The following TNKS variants were observed in gnomAD, a reference collection of about 807,000 sequenced individuals.
The protein encoded by TNKS is poly [ADP-ribose] polymerase tankyrase-1.
Under a neutral mutation model 135.8 loss-of-function variants are expected in TNKS, and 72 were observed. The observed-to-expected ratio is 0.53, with a 90% CI of 0.44 to 0.64. The LOEUF (loss-of-function observed/expected upper bound fraction) is 0.64, where lower values mean the gene tolerates loss of function less well. TNKS is among the 30% of genes least tolerant of loss of function. The pLI is 0.00. For missense variants in TNKS, 1,769 were observed against 1,674.0 expected (o/e 1.06, Z -0.99); for synonymous variants, 849 against 649.3 (o/e 1.31, Z -4.68).
intron 3 of TNKS, among the ~76,000 whole-genome samples, chr8:9,620,706 A>C (rs181986842): frequency 8.1e-4 from 124 of 152,268 alleles, no homozygotes; most frequent in African/African-American, 2.8e-3. Flanking sequence ...TAAGCTATTT[A>C]CTGAAACTGG....
At chr8:9,660,023 C>A (rs2128786829) in intron 3 of TNKS, among the ~76,000 whole-genome samples, 1 of 152,270 alleles carries the variant, frequency 6.6e-6, no homozygotes, top group East Asian at 1.9e-4. Context: ...TACACCCTCC[C>A]AAGACTGAAC....
intron 1 of TNKS, chr8:9,575,053 G>T (rs146549380): frequency 1.0e-6 from 1 of 985,344 alleles, no homozygotes; most frequent in East Asian, 1.1e-4. Context: ...CCTTTGTCTT[G>T]ACAAATTGTG....
intron 23 of TNKS, 135 bp downstream of exon 23, chr8:9,764,925 T>C (rs1807343988): frequency 3.5e-6 from 2 of 579,692 alleles, no homozygotes; most frequent in African/African-American, 3.9e-5. Context: ...TGAAGTCAGA[T>C]AGCACTCTTC....
At position 9,640,932 on chromosome 8, in the gene TNKS, A is replaced by G. The variant is rs1800702437; in HGVS notation, c.994+25255A>G. Among the ~76,000 whole-genome samples, 2 of 145,826 alleles carry G rather than the reference A, an allele frequency of 1.4e-5. 1 individual carries two copies. Among genetic ancestry groups the G allele is most frequent in the Admixed American group, 1.5e-4 (2 of 13,766 alleles). On this transcript the variant is annotated intron_variant, in intron 3 of 26. Transcript: ENST00000310430. ...CAGCTACTTTTTTGCCCAGTCATAC[A>G]TTGCCCCTCATTTTCTAATAGCATC...
chr8:9,561,271 T>G (rs1797322262), intron 1 of TNKS, among the ~76,000 whole-genome samples: 1 of 152,202 alleles, frequency 6.6e-6, no homozygotes, highest in Admixed American at 6.5e-5. Flanking sequence ...TATGTGTACA[T>G]TCACTGAGTT....
At chr8:9,631,441 T>C (rs1019920788) in intron 3 of TNKS, among the ~76,000 whole-genome samples, 5 of 152,238 alleles carry the variant, frequency 3.3e-5, no homozygotes, top group Non-Finnish European at 5.9e-5. Context: ...AAAGAAGCCA[T>C]TGGTAATTAT....
intron 3 of TNKS, among the ~76,000 whole-genome samples, chr8:9,674,434 A>G (rs1474762678): frequency 6.6e-6 from 1 of 152,182 alleles, no homozygotes; most frequent in African/African-American, 2.4e-5. Flanking sequence ...TGGTAGTGAT[A>G]ATTTTAAGAG....
chr8:9,602,610 G>A (rs984333861), intron 2 of TNKS, among the ~76,000 whole-genome samples: 3 of 152,276 alleles, frequency 2.0e-5, no homozygotes, highest in East Asian at 1.9e-4. Flanking sequence ...ACACCTACAC[G>A]CCCAGCAAAG....
In TNKS at chr8:9,766,336, C is replaced by G; in HGVS notation, c.3651C>G (p.Asn1217Lys). 2 of 1,613,922 alleles carry G rather than the reference C, an allele frequency of 1.2e-6. No individual in the cohort carries two copies. The highest frequency in any genetic ancestry group is 1.7e-6 in the Non-Finnish European group (2 of 1,179,948). The change falls in exon 25 of 27, where the codon AAC becomes AAG. Residue 1217 changes from asparagine (N) to lysine (K), a missense_variant. Physicochemically the swap from Asn to Lys is moderately conservative, Grantham distance 94. Around this residue, in one of 5 missense-constraint regions of TNKS, gnomAD observed 722 missense variants for 688.9 expected, o/e 1.05. Transcript: ENST00000310430. The stretch of plus-strand genomic sequence containing the variant: ...GGGCCGGGATTTATTTTGCTGAAAA[C>G]TCCTCAAAAAGCAACCAATATGTTT... ...MFGAGIYFAE[N>K]SSKSNQYVYG...
intron 11 of TNKS, among the ~76,000 whole-genome samples, chr8:9,718,129 A>G (rs529896174): frequency 6.6e-6 from 1 of 152,158 alleles, no homozygotes; most frequent in Non-Finnish European, 1.5e-5. Flanking sequence ...TGGAGAACCT[A>G]TCATTTGTTC....
rs1807520361 is a variant in TNKS at position 9,767,411 on chromosome 8, T to C, written c.3740+986T>C. ...TTTCTGTGTAAACTTACTTACCAAATGCATTCTTTTTAACAAGCCAGGTTA... is the reference window on the plus strand; with the variant it reads ...TTTCTGTGTAAACTTACTTACCAAACGCATTCTTTTTAACAAGCCAGGTTA... On this transcript the variant is annotated intron_variant, in intron 25 of 26. Coordinates refer to ENST00000310430, the MANE Select transcript of TNKS (RefSeq NM_003747.3). Among the ~76,000 whole-genome samples the C allele has an allele frequency of 3.3e-5, 5 of 152,218 alleles. No homozygotes were observed. In the South Asian group the frequency reaches 1.0e-3, roughly 31 times the overall value.
chr8:9,685,843 T>A (rs1437642147), intron 5 of TNKS, among the ~76,000 whole-genome samples: 1 of 152,196 alleles, frequency 6.6e-6, no homozygotes, highest in Admixed American at 6.5e-5. Flanking sequence ...CCCCATCCAG[T>A]GAAGAACAAG....
chr8:9,763,260 A>T lies in TNKS; in HGVS notation c.3372+16A>T. On this transcript the variant is annotated intron_variant, in intron 22 of 26. Coordinates refer to ENST00000310430, the MANE Select transcript of TNKS (RefSeq NM_003747.3). Reference sequence around the variant, plus strand: ...GGAAGAAGAGGTAATATACATCAGAAATCTTTCATTTGCTTTTCTTGAAAT... The same window carrying T: ...GGAAGAAGAGGTAATATACATCAGATATCTTTCATTTGCTTTTCTTGAAAT... 6.6e-7 allele frequency: 1 copy of T among 1,508,264 alleles called. No homozygotes were observed. Among genetic ancestry groups the T allele is most frequent in the Non-Finnish European group, 9.1e-7 (1 of 1,101,230 alleles). The allele number at this position is 1,508,264 out of a possible 1,614,324, so 93.4% of individuals were successfully genotyped here.
At chr8:9,594,342 G>T (rs1179225553) in intron 2 of TNKS, among the ~76,000 whole-genome samples, 1 of 152,164 alleles carries the variant, frequency 6.6e-6, no homozygotes, top group Non-Finnish European at 1.5e-5. Context: ...ATTTAGACTT[G>T]CATGGTCCAG....
chr8:9,611,730 A>G (rs1275925842), intron 2 of TNKS, among the ~76,000 whole-genome samples: 1 of 152,230 alleles, frequency 6.6e-6, no homozygotes, highest in East Asian at 1.9e-4. Context: ...AAATCCCCAT[A>G]GAGAACAGTG....
intron 17 of TNKS, among the ~76,000 whole-genome samples, chr8:9,746,051 T>A (rs1188907070): frequency 6.6e-6 from 1 of 152,150 alleles, no homozygotes; most frequent in Non-Finnish European, 1.5e-5. Context: ...CTTAAAAGCC[T>A]CAATGTGTGG....
intron 2 of TNKS, among the ~76,000 whole-genome samples, chr8:9,599,532 C>T (rs1798931240): frequency 1.3e-5 from 2 of 152,172 alleles, no homozygotes; most frequent in Admixed American, 6.5e-5. Context: ...ACAGAACTTT[C>T]AGTCATTATT....
intron 3 of TNKS, among the ~76,000 whole-genome samples, chr8:9,650,340 A>G (rs1801100047): frequency 6.6e-6 from 1 of 152,146 alleles, no homozygotes; most frequent in African/African-American, 2.4e-5. Flanking sequence ...GATACCCAGT[A>G]ATGGGATTGC....
At chr8:9,586,734 T>G (rs1798394375) in intron 2 of TNKS, among the ~76,000 whole-genome samples, 1 of 127,186 alleles carries the variant, frequency 7.9e-6, no homozygotes, top group South Asian at 2.2e-4. Flanking sequence ...TGTGTGTGTG[T>G]GTGTGTGTGT....
Sources: allele counts gnomAD v4.1 joint callset (sites outside exome capture counted in the v4.1 genomes callset), GRCh38; gene constraint gnomAD v4.1.1; regional missense constraint gnomAD v4.1.1; transcripts MANE v1.5; gene names NCBI Gene and HGNC (gene_info 2026-07-23, HGNC 2026-07-21).